The following FOXP1 variants were observed in gnomAD, a reference collection of about 807,000 sequenced individuals.
The protein encoded by FOXP1 is forkhead box protein P1.
Under a neutral mutation model 98.2 loss-of-function variants are expected in FOXP1, and 15 were observed. The observed-to-expected ratio is 0.15, with a 90% CI of 0.10 to 0.24. The LOEUF (loss-of-function observed/expected upper bound fraction) is 0.24. FOXP1 is among the 10% of genes least tolerant of loss of function. The pLI, the probability that FOXP1 is intolerant of heterozygous loss-of-function variation, is 1.00. For synonymous variants in FOXP1, 371 were observed against 314.5 expected, an observed-to-expected ratio of 1.18 and a Z score of -1.90; for missense variants, 633 against 848.5, an observed-to-expected ratio of 0.75 and a Z score of 3.15.
chr3:70,967,238 A>G (rs3773498), intron 19 of FOXP1, among the ~76,000 whole-genome samples: 12,510 of 152,266 alleles, frequency 0.082, 918 homozygotes, highest in East Asian at 0.32. Context: ...GTAAAAGCCA[A>G]AAGAGTGCAA....
In FOXP1 at chr3:71,291,234, C is replaced by A. The variant is rs148977423; in HGVS notation, c.-12+8586G>T. Among the ~76,000 whole-genome samples the A allele has an allele frequency of 4.4e-3, 676 of 152,302 alleles. 8 individuals are homozygous for A. The highest frequency in any genetic ancestry group is 0.02 in the Admixed American group (304 of 15,294). On this transcript the variant is annotated intron_variant, in intron 5 of 20. Transcript: ENST00000649528. ...CTGTCTAATAGAAATACAATGGCTGCCACATAAGTAACTGTGACGCTTTTC... is the reference window on the plus strand; with the variant it reads ...CTGTCTAATAGAAATACAATGGCTGACACATAAGTAACTGTGACGCTTTTC...
At chr3:71,353,829 T>C (rs73837122) in intron 4 of FOXP1, among the ~76,000 whole-genome samples, 4,101 of 152,228 alleles carry the variant, frequency 0.027, 168 homozygotes, top group African/African-American at 0.091. Context: ...ACCACTGACA[T>C]GGTGGAACAA....
At chr3:71,093,049 T>C (rs554477721) in intron 7 of FOXP1, among the ~76,000 whole-genome samples, 10 of 152,056 alleles carry the variant, frequency 6.6e-5, no homozygotes, top group Non-Finnish European at 8.8e-5. Context: ...TCACCTGAGG[T>C]CAGGAGTTTG....
At chr3:71,124,328 AT>A (rs553574613) in intron 6 of FOXP1, among the ~76,000 whole-genome samples, 7,889 of 147,300 alleles carry the variant, frequency 0.054, 693 homozygotes, top group African/African-American at 0.18. Flanking sequence ...TATGCTTACA[AT>A]TTTTTTTTTT....
At chr3:71,271,214 G>C (rs932518008) in intron 5 of FOXP1, among the ~76,000 whole-genome samples, 2 of 152,186 alleles carry the variant, frequency 1.3e-5, no homozygotes, top group African/African-American at 4.8e-5. Context: ...TGGGTGACAA[G>C]ATCGAGACTC....
chr3:71,532,104 A>C (rs2043900678), intron 2 of FOXP1, among the ~76,000 whole-genome samples: 1 of 152,070 alleles, frequency 6.6e-6, no homozygotes, highest in Non-Finnish European at 1.5e-5. Context: ...AAAGAAAAAA[A>C]ATTCTTTTGT....
intron 14 of FOXP1, among the ~76,000 whole-genome samples, chr3:70,980,053 A>G (rs2038546234): frequency 6.6e-6 from 1 of 152,220 alleles, no homozygotes; most frequent in Admixed American, 6.5e-5. Flanking sequence ...CAAATGCCCC[A>G]GCAAGCTGAG....
chr3:71,418,116 G>GGTGTGT (rs60973104), intron 3 of FOXP1, among the ~76,000 whole-genome samples: 78 of 147,474 alleles, frequency 5.3e-4, no homozygotes, highest in East Asian at 3.2e-3. Context: ...TGTGCTTGTG[G>GGTGTGT]GTGTGTGTGT....
chr3:71,345,403 C>T (rs879482222), intron 4 of FOXP1, among the ~76,000 whole-genome samples: 761 of 17,972 alleles, frequency 0.042, 6 homozygotes, highest in East Asian at 0.23. Flanking sequence ...TATATACACA[C>T]ACACACACAC....
chr3:71,472,182 C>T (rs2089423295), intron 3 of FOXP1, among the ~76,000 whole-genome samples: 1 of 151,886 alleles, frequency 6.6e-6, no homozygotes. Context: ...GAGGACATAC[C>T]TTTTTGTCAG....
chr3:71,564,465 T>C (rs561111951), intron 2 of FOXP1, among the ~76,000 whole-genome samples: 2 of 152,310 alleles, frequency 1.3e-5, no homozygotes, highest in South Asian at 4.1e-4. Context: ...CACACAAACA[T>C]ACACACACAT....
intron 2 of FOXP1, among the ~76,000 whole-genome samples, chr3:71,507,718 C>G (rs2041927096): frequency 6.6e-6 from 1 of 152,112 alleles, no homozygotes; most frequent in Non-Finnish European, 1.5e-5. Flanking sequence ...GCTGGGACTA[C>G]AGGCACCTGC....
chr3:71,555,065 T>C (rs558135227), intron 2 of FOXP1, among the ~76,000 whole-genome samples: 1 of 152,364 alleles, frequency 6.6e-6, no homozygotes, highest in African/African-American at 2.4e-5. Flanking sequence ...TTACAATGTA[T>C]ATATTTTTTA....
At chr3:71,564,553 C>T (rs1331673217) in intron 2 of FOXP1, among the ~76,000 whole-genome samples, 1 of 152,148 alleles carries the variant, frequency 6.6e-6, no homozygotes, top group African/African-American at 2.4e-5. Context: ...TCTGGTTGGC[C>T]GACCTTGAGT....
chr3:71,212,280 T>C (rs538567138), intron 5 of FOXP1, among the ~76,000 whole-genome samples: 1 of 152,280 alleles, frequency 6.6e-6, no homozygotes, highest in East Asian at 1.9e-4. Flanking sequence ...AAGGCTCATA[T>C]ATTGGGCAAC....
At chr3:71,314,559 G>C (rs887856801) in intron 4 of FOXP1, among the ~76,000 whole-genome samples, 4 of 142,418 alleles carry the variant, frequency 2.8e-5, no homozygotes, top group African/African-American at 1.0e-4. Flanking sequence ...ATATCTGGCT[G>C]TCTGCCATGC....
intron 7 of FOXP1, 39 bp downstream of exon 7, chr3:71,112,497 A>T: frequency 6.9e-7 from 1 of 1,458,818 alleles, no homozygotes; most frequent in Non-Finnish European, 9.6e-7. Flanking sequence ...CTTATCCCAA[A>T]GGGTATAATG....
chr3:71,242,056 C>T (rs777261179), intron 5 of FOXP1, among the ~76,000 whole-genome samples: 6 of 152,238 alleles, frequency 3.9e-5, no homozygotes, highest in Admixed American at 6.5e-5. Flanking sequence ...AACAAGGCTT[C>T]GCTTATATTT....
At chr3:71,531,162 C>T (rs532327542) in intron 2 of FOXP1, among the ~76,000 whole-genome samples, 5 of 152,270 alleles carry the variant, frequency 3.3e-5, no homozygotes, top group East Asian at 3.9e-4. Context: ...TAATTTCTTC[C>T]GGGCCCAGGG....
Sources: gnomAD v4.1 joint callset for allele counts (sites outside exome capture counted in the v4.1 genomes callset) on GRCh38, gnomAD v4.1.1 for gene constraint, MANE v1.5 for transcripts, NCBI Gene and HGNC (gene_info 2026-07-23, HGNC 2026-07-21) for gene names.